PLXNA4: variants seen among roughly 807,000 people sequenced by gnomAD.
PLXNA4 encodes the protein plexin-A4.
In PLXNA4, 44 loss-of-function variants were observed where a neutral mutation model predicts 191.8. That is an observed-to-expected ratio of 0.23 (90% CI 0.18 to 0.29). The LOEUF (loss-of-function observed/expected upper bound fraction) is 0.29, where lower values mean the gene tolerates loss of function less well. Among genes scored for constraint, PLXNA4 ranks in the 10% least tolerant of loss-of-function variants. PLXNA4 has a pLI of 1.00. For missense variants in PLXNA4, 1,800 were observed against 2,488.8 expected, an observed-to-expected ratio of 0.72 and a Z score of 5.89; for synonymous variants, 1,082 against 1,009.5, an observed-to-expected ratio of 1.07 and a Z score of -1.36.
At chr7:132,200,871 C>G (rs1484306053) in intron 12 of PLXNA4, among the ~76,000 whole-genome samples, 3 of 152,200 alleles carry the variant, frequency 2.0e-5, no homozygotes, top group Non-Finnish European at 4.4e-5. Flanking sequence ...GTGTGCCTCT[C>G]TGAGCATTAG....
chr7:132,126,643 TC>T lies in PLXNA4; in HGVS notation c.*3835del, dbSNP rs1172294104. The T allele has an allele frequency of 6.6e-6, 1 of 151,516 alleles. No homozygotes were observed. The highest frequency in any genetic ancestry group is 1.9e-4 in the East Asian group (1 of 5,198). The allele number at this position is 151,516 out of a possible 1,614,324, so 9.4% of individuals were successfully genotyped here. ...TTTCCTGTGGGTAACTCCTGCTTCT[TC>T]CTGGGAACAGTCCTGGACAGTCTGC... On this transcript the variant is annotated 3_prime_UTR_variant, in exon 32 of 32. Transcript: ENST00000321063.
intron 2 of PLXNA4, among the ~76,000 whole-genome samples, chr7:132,635,170 T>TTATTTATATA (rs1470708373): frequency 2.3e-5 from 3 of 131,814 alleles, no homozygotes; most frequent in African/African-American, 5.7e-5. Context: ...AAACTCCCCT[T>TTATTTATATA]TATATATATA....
intron 3 of PLXNA4, among the ~76,000 whole-genome samples, chr7:132,342,140 T>C (rs1803054103): frequency 6.6e-6 from 1 of 151,650 alleles, no homozygotes; most frequent in Non-Finnish European, 1.5e-5. Flanking sequence ...TGTCTCTTAC[T>C]ATTCTTCCTT....
intron 1 of PLXNA4, among the ~76,000 whole-genome samples, chr7:132,538,864 TC>T (rs1279271922): frequency 6.6e-6 from 1 of 152,086 alleles, no homozygotes; most frequent in African/African-American, 2.4e-5. Flanking sequence ...GGAAAGAAAA[TC>T]CCTTTCCTTG....
At chr7:132,563,794 CTCCTCCTCCTT>C (rs1585353181) in intron 1 of PLXNA4, among the ~76,000 whole-genome samples, 24 of 40,590 alleles carry the variant, frequency 5.9e-4, no homozygotes, top group South Asian at 2.0e-3. Context: ...CCTCCTCCTT[CTCCTCCTCCTT>C]CTCCTCCTCC....
chr7:132,335,601 T>C (rs1315977324), intron 3 of PLXNA4, among the ~76,000 whole-genome samples: 1 of 152,240 alleles, frequency 6.6e-6, no homozygotes, highest in Non-Finnish European at 1.5e-5. Context: ...ATTAAATTGA[T>C]GCGTTCTGAC....
At chr7:132,323,266 G>A (rs1172324802) in intron 3 of PLXNA4, among the ~76,000 whole-genome samples, 2 of 152,220 alleles carry the variant, frequency 1.3e-5, no homozygotes, top group African/African-American at 4.8e-5. Context: ...TGCCCTGGTG[G>A]GCACAGGAAA....
At chr7:132,164,796 C>A (rs1796053542) in intron 23 of PLXNA4, among the ~76,000 whole-genome samples, 1 of 152,242 alleles carries the variant, frequency 6.6e-6, no homozygotes, top group African/African-American at 2.4e-5. Flanking sequence ...AAGTCTGGGG[C>A]TGGGAGAGGG....
chr7:132,342,151 C>T (rs1803054642), intron 3 of PLXNA4, among the ~76,000 whole-genome samples: 1 of 151,248 alleles, frequency 6.6e-6, no homozygotes, highest in Admixed American at 6.6e-5. Context: ...ATTCTTCCTT[C>T]CCACAACATC....
In PLXNA4 at chr7:132,211,802, T is replaced by C. The variant is rs115356354; in HGVS notation, c.2098-659A>G. On this transcript the variant is annotated intron_variant, in intron 9 of 31. Transcript: ENST00000321063. Reference sequence around the variant, plus strand: ...CTGAGCTCTTTCTGGATGCTAGCAATGGGCACACTTAGCCCTGGAGCCACA... The same window carrying C: ...CTGAGCTCTTTCTGGATGCTAGCAACGGGCACACTTAGCCCTGGAGCCACA... Among the ~76,000 whole-genome samples, 785 of 152,260 alleles carry C rather than the reference T, an allele frequency of 5.2e-3. 9 individuals are homozygous for C. The highest frequency in any genetic ancestry group is 0.018 in the African/African-American group (742 of 41,548).
At chr7:132,520,948 C>T (rs1388447303) in intron 1 of PLXNA4, among the ~76,000 whole-genome samples, 1 of 152,240 alleles carries the variant, frequency 6.6e-6, no homozygotes, top group Non-Finnish European at 1.5e-5. Context: ...GAGTGCCTCA[C>T]TCCAGGCCCC....
intron 25 of PLXNA4, among the ~76,000 whole-genome samples, chr7:132,151,332 GA>G: frequency 9.0e-5 from 5 of 55,854 alleles, no homozygotes; most frequent in African/African-American, 2.4e-4. Flanking sequence ...GGAGGAAGAA[GA>G]AGGAGGAGGA....
chr7:132,454,976 G>T (rs551417462), intron 3 of PLXNA4, among the ~76,000 whole-genome samples: 2 of 152,160 alleles, frequency 1.3e-5, no homozygotes, highest in African/African-American at 4.8e-5. Flanking sequence ...CAGCATCCTC[G>T]ATGGGGCCAA....
In PLXNA4 at chr7:132,456,022, C is replaced by T. The variant is rs114974912; in HGVS notation, c.1371+33270G>A. On this transcript the variant is annotated intron_variant, in intron 3 of 31. Transcript: ENST00000321063. ...TCTGGCCCTGATGGGCCTGACAGGG[C>T]GCCGGTGGGAGGGCAGGAGGGAGAC... is the stretch of plus-strand genomic sequence containing the variant. 8.0e-3 allele frequency among the ~76,000 whole-genome samples: 1,216 copies of T among 152,178 alleles called. 11 individuals are homozygous for T. Among genetic ancestry groups the T allele is most frequent in the Middle Eastern group, 0.024 (7 of 292 alleles).
intron 3 of PLXNA4, among the ~76,000 whole-genome samples, chr7:132,344,268 G>A (rs1456648748): frequency 1.3e-5 from 2 of 152,144 alleles, no homozygotes; most frequent in South Asian, 2.1e-4. Context: ...GGTGGCAGTC[G>A]CCTGCCACTG....
chr7:132,281,229 C>A (rs1250982105), intron 4 of PLXNA4, among the ~76,000 whole-genome samples: 4 of 152,094 alleles, frequency 2.6e-5, no homozygotes, highest in African/African-American at 9.7e-5. Context: ...GCTGTCATAA[C>A]TGAAAAGGAC....
chr7:132,311,179 T>C (rs1241613366), intron 3 of PLXNA4, among the ~76,000 whole-genome samples: 2 of 134,830 alleles, frequency 1.5e-5, no homozygotes, highest in African/African-American at 2.8e-5. Flanking sequence ...TGTGTGTGTG[T>C]GTGTGTGTGT....
At chr7:132,206,464 G>A (rs1797621820) in intron 10 of PLXNA4, among the ~76,000 whole-genome samples, 1 of 151,870 alleles carries the variant, frequency 6.6e-6, no homozygotes, top group Non-Finnish European at 1.5e-5. Context: ...GTGTGTGTGT[G>A]TGTGTGTGCG....
chr7:132,364,800 T>C (rs1295920260), intron 3 of PLXNA4, among the ~76,000 whole-genome samples: 1 of 152,214 alleles, frequency 6.6e-6, no homozygotes, highest in Non-Finnish European at 1.5e-5. Flanking sequence ...CCAGTTTGAC[T>C]CCTAGGGCTG....
Sources: allele counts gnomAD v4.1 joint callset (sites outside exome capture counted in the v4.1 genomes callset), GRCh38; gene constraint gnomAD v4.1.1; transcripts MANE v1.5; gene names NCBI Gene and HGNC (gene_info 2026-07-23, HGNC 2026-07-21).